SYNE1: variants seen among roughly 807,000 people sequenced by gnomAD.
The protein encoded by SYNE1 is spectrin repeat containing nuclear envelope protein 1.
Under a neutral mutation model 1,111.0 loss-of-function variants are expected in SYNE1, and 616 were observed. That is an observed-to-expected ratio of 0.55 (90% CI 0.52 to 0.59). SYNE1 has a LOEUF of 0.59. Ranked by LOEUF, SYNE1 falls within the 20% of genes least tolerant of loss-of-function variation. SYNE1 has a pLI of 0.00. For synonymous variants in SYNE1, 3,855 were observed against 3,825.8 expected (o/e 1.01, Z -0.28); for missense variants, 10,006 against 10,417.0 (o/e 0.96, Z 1.72).
At position 152,330,239 on chromosome 6, in the gene SYNE1, T is replaced by C. The variant is rs750939233; in HGVS notation, c.14446A>G (p.Lys4816Glu). Reference sequence around the variant, plus strand: ...CTTCCTGCCAGGGAGTGATACATTTTGAGCTTCTCCTCTGCAGGCAGCGTT... The same window carrying C: ...CTTCCTGCCAGGGAGTGATACATTTCGAGCTTCTCCTCTGCAGGCAGCGTT... ...EETLPAEEKL[K>E]MYHSLAGSLQ... The change falls in exon 78 of 146, where the codon AAA becomes GAA. Residue 4816 changes from lysine (K) to glutamate (E), a missense_variant. This residue lies in a region of SYNE1 where 4,955 missense variants were observed against 5,017.2 expected (regional missense o/e 0.99). Transcript: ENST00000367255. The C allele has an allele frequency of 1.2e-6, 2 of 1,614,196 alleles. No homozygotes were observed. The highest frequency in any genetic ancestry group is 2.2e-5 in the South Asian group (2 of 91,080).
At chr6:152,597,563 A>G (rs758237589) in intron 3 of SYNE1, among the ~76,000 whole-genome samples, 5 of 152,190 alleles carry the variant, frequency 3.3e-5, no homozygotes, top group Non-Finnish European at 7.3e-5. Flanking sequence ...TGGCAAGTAC[A>G]AGATAAACGG....
At chr6:152,134,994 C>G in intron 142 of SYNE1, 110 bp downstream of exon 142, 1 of 1,509,680 alleles carries the variant, frequency 6.6e-7, no homozygotes, top group Non-Finnish European at 9.1e-7. Flanking sequence ...GACTATAATG[C>G]AAAAAGTTAA....
intron 98 of SYNE1, among the ~76,000 whole-genome samples, chr6:152,272,080 T>C (rs1041167293): frequency 5.3e-5 from 8 of 152,266 alleles, no homozygotes; most frequent in Non-Finnish European, 1.0e-4. Flanking sequence ...CACTTTTATA[T>C]GCACAGATAT....
chr6:152,218,073 TA>T (rs2079181686), intron 121 of SYNE1, among the ~76,000 whole-genome samples, 183 bp downstream of exon 121: 1 of 151,886 alleles, frequency 6.6e-6, no homozygotes, highest in Non-Finnish European at 1.5e-5. Context: ...CGTGCCCCTA[TA>T]ATCCTAGCTA....
At chr6:152,368,708 T>C (rs1158124409) in intron 61 of SYNE1, 3 of 472,392 alleles carry the variant, frequency 6.4e-6, no homozygotes, top group African/African-American at 5.9e-5. Context: ...AAAAGGAATA[T>C]CTTGTGCAAT....
At chr6:152,231,633 A>G in intron 113 of SYNE1, 66 bp from the exon 114 acceptor site, 3 of 1,519,798 alleles carry the variant, frequency 2.0e-6, no homozygotes, top group Non-Finnish European at 2.7e-6. Flanking sequence ...AGGAGTTGGA[A>G]AGCCTTAAGT....
At position 152,254,764 on chromosome 6, in the gene SYNE1, T is replaced by C. The variant is rs1353678879; in HGVS notation, c.19470+116A>G. On this transcript the variant is annotated intron_variant, in intron 104 of 145. Coordinates refer to ENST00000367255, the MANE Select transcript of SYNE1 (RefSeq NM_182961.4). ...CCCCCTTCATTTTCTACAATGCTCT[T>C]GTTCTTCATTACGCATTTAGAAAAA... 60 of 953,510 alleles carry C rather than the reference T, an allele frequency of 6.3e-5. 1 individual carries two copies. In the South Asian group the frequency reaches 8.4e-4, roughly 13 times the overall value. 59.1% of individuals were successfully genotyped at this position (953,510 alleles called of 1,614,324 possible).
chr6:152,358,109 C>A (rs1317576951), intron 66 of SYNE1, among the ~76,000 whole-genome samples: 1 of 152,182 alleles, frequency 6.6e-6, no homozygotes, highest in African/African-American at 2.4e-5. Flanking sequence ...ATTAGATCTC[C>A]AGCCATTTGT....
At chr6:152,422,648 A>G (rs1381173852) in intron 39 of SYNE1, among the ~76,000 whole-genome samples, 1 of 152,164 alleles carries the variant, frequency 6.6e-6, no homozygotes, top group Non-Finnish European at 1.5e-5. Flanking sequence ...GACTACAGGT[A>G]CATGCCACCA....
intron 128 of SYNE1, among the ~76,000 whole-genome samples, chr6:152,183,013 T>A (rs371884731): frequency 2.9e-4 from 44 of 152,068 alleles, no homozygotes; most frequent in African/African-American, 1.0e-3. Flanking sequence ...CTACTAGAAA[T>A]GGAAAAAGCT....
At chr6:152,179,031 G>A (rs533356066) in intron 129 of SYNE1, among the ~76,000 whole-genome samples, 5 of 149,688 alleles carry the variant, frequency 3.3e-5, no homozygotes, top group South Asian at 4.2e-4. Flanking sequence ...CTCTTGCCTC[G>A]GCCTCCTGAG....
At chr6:152,589,998 C>A (rs2099554045) in intron 3 of SYNE1, among the ~76,000 whole-genome samples, 1 of 150,536 alleles carries the variant, frequency 6.6e-6, no homozygotes, top group Non-Finnish European at 1.5e-5. Flanking sequence ...CTAGTGGTGC[C>A]ACCATAGCTC....
rs962640103 is a variant in SYNE1, at chr6:152,167,473, C to T, written c.23628-3148G>A. ...AAAGAAAAACATATTAAAAAAATTC[C>T]TGTCATATTTTTATTCTAACTGAAA... On this transcript the variant is annotated intron_variant, in intron 130 of 145. Transcript: ENST00000367255. Among the ~76,000 whole-genome samples, 38 of 152,210 alleles carry T rather than the reference C, an allele frequency of 2.5e-4. 2 individuals carry two copies. Among genetic ancestry groups the T allele is most frequent in the Admixed American group, 1.6e-3 (25 of 15,270 alleles).
Position 152,390,393 on chromosome 6 carries a change from C to T in SYNE1, c.8064G>A (p.Gly2688=), listed in dbSNP as rs2097590862. The T allele has an allele frequency of 6.2e-7, 1 of 1,614,100 alleles. No homozygotes were observed. The highest frequency in any genetic ancestry group is 2.2e-5 in the East Asian group (1 of 44,864). ...TGTTGCTACTTCTCAAGGCCTGTTC[C>T]CCCTTGCCAATGGCCATATTCAACT... ...EVKLNMAIGK[G]EQALRSSNKE... Residue 2688 remains glycine, a synonymous_variant, in exon 53 of 146, where the codon GGG becomes GGA. Transcript: ENST00000367255.
intron 16 of SYNE1, 80 bp from the exon 17 acceptor site, chr6:152,466,158 T>C: frequency 1.1e-6 from 1 of 872,288 alleles, no homozygotes; most frequent in Non-Finnish European, 1.9e-6. Context: ...TCAGTATAGC[T>C]ATAAGCACAG....
chr6:152,249,950 T>C (rs548486538), intron 104 of SYNE1, among the ~76,000 whole-genome samples: 86 of 152,230 alleles, frequency 5.6e-4, no homozygotes, highest in African/African-American at 2.0e-3. Flanking sequence ...CAGGGAATAA[T>C]AAATTAGAAG....
chr6:152,376,941 G>C, intron 56 of SYNE1, 29 bp from the exon 57 acceptor site: 5 of 1,611,952 alleles, frequency 3.1e-6, no homozygotes, highest in Non-Finnish European at 4.2e-6. Flanking sequence ...ACAAAGAAGC[G>C]AGCACTTACA....
intron 77 of SYNE1, 77 bp downstream of exon 77, chr6:152,333,931 G>A: frequency 1.9e-6 from 3 of 1,595,376 alleles, no homozygotes; most frequent in South Asian, 2.2e-5. Context: ...CTGCACCTGG[G>A]CACATTTTAA....
At chr6:152,162,572 G>T (rs1259975104) in intron 131 of SYNE1, among the ~76,000 whole-genome samples, 1 of 152,178 alleles carries the variant, frequency 6.6e-6, no homozygotes, top group Non-Finnish European at 1.5e-5. Flanking sequence ...AATCTGGGAA[G>T]CCGGATGCCA....
Sources: gnomAD v4.1 joint callset for allele counts (sites outside exome capture counted in the v4.1 genomes callset) on GRCh38, gnomAD v4.1.1 for gene constraint, gnomAD v4.1.1 regional missense constraint, MANE v1.5 for transcripts, NCBI Gene and HGNC (gene_info 2026-07-23, HGNC 2026-07-21) for gene names.